GPATCH2: variants seen among roughly 807,000 people sequenced by gnomAD.
The protein encoded by GPATCH2 is G-patch domain containing 2.
GPATCH2 carries 51 observed loss-of-function variants against 58.0 expected under a neutral mutation model. The ratio of observed to expected loss-of-function variants is 0.88; its 90% CI spans 0.70 to 1.11. The LOEUF (loss-of-function observed/expected upper bound fraction) is 1.11, where lower values mean the gene tolerates loss of function less well. Among genes scored for constraint, GPATCH2 ranks in the 50% most tolerant of loss-of-function variants. The pLI is 0.00. For missense variants in GPATCH2, 625 were observed against 652.2 expected (o/e 0.96, Z 0.45); for synonymous variants, 222 against 218.5 (o/e 1.02, Z -0.14).
At chr1:217,449,530 A>G (rs1449995005) in intron 8 of GPATCH2, among the ~76,000 whole-genome samples, 193 bp from the exon 9 acceptor site, 1 of 152,250 alleles carries the variant, frequency 6.6e-6, no homozygotes, top group African/African-American at 2.4e-5. Context: ...ATGCGCCATC[A>G]TAAATTGTTA....
chr1:217,555,322 T>C (rs994508868), intron 5 of GPATCH2, among the ~76,000 whole-genome samples: 2 of 152,298 alleles, frequency 1.3e-5, no homozygotes, highest in Middle Eastern at 6.8e-3. Flanking sequence ...TATAAGGTTA[T>C]AGAGGAATCA....
At chr1:217,493,960 A>G (rs1661878135) in intron 7 of GPATCH2, among the ~76,000 whole-genome samples, 1 of 123,140 alleles carries the variant, frequency 8.1e-6, no homozygotes, top group South Asian at 2.3e-4. Context: ...AATGTTATGG[A>G]AAAAAAAATA....
At chr1:217,555,066 T>G (rs994968459) in intron 5 of GPATCH2, among the ~76,000 whole-genome samples, 1 of 152,310 alleles carries the variant, frequency 6.6e-6, no homozygotes, top group South Asian at 2.1e-4. Context: ...CACCTGAATC[T>G]TTCCCTTCTT....
chr1:217,604,116 C>T (rs1229421559), intron 5 of GPATCH2, among the ~76,000 whole-genome samples: 19 of 151,702 alleles, frequency 1.3e-4, no homozygotes, highest in Non-Finnish European at 1.6e-4. Flanking sequence ...TTTGGGAGGG[C>T]GAGGTGGAAG....
chr1:217,542,454 A>G (rs1042540813), intron 5 of GPATCH2, among the ~76,000 whole-genome samples: 2 of 152,302 alleles, frequency 1.3e-5, no homozygotes, highest in Non-Finnish European at 2.9e-5. Context: ...AAACTACTGG[A>G]AAGAAAAAAA....
In GPATCH2 at chr1:217,454,525, C is replaced by T. The variant is rs573580003; in HGVS notation, c.1278-5188G>A. Among the ~76,000 whole-genome samples the T allele has an allele frequency of 2.1e-3, 271 of 129,278 alleles. 1 individual carries two copies. The highest frequency in any genetic ancestry group is 7.3e-3 in the African/African-American group (259 of 35,250). 84.8% of individuals were successfully genotyped at this position (129,278 alleles called of 152,430 possible). A position where few individuals can be genotyped will look rare whatever the true frequency, so the allele number is the denominator to read the frequency against. On this transcript the variant is annotated intron_variant, in intron 8 of 9. Coordinates refer to ENST00000366935, the MANE Select transcript of GPATCH2 (RefSeq NM_018040.5). ...AATGGCGTGAACCCGGAAGGCAGAG[C>T]TTGCAGTGAGTCGAGATCGCGCCAC...
chr1:217,568,541 C>A (rs574266259), intron 5 of GPATCH2, among the ~76,000 whole-genome samples: 3 of 152,182 alleles, frequency 2.0e-5, no homozygotes, highest in African/African-American at 7.2e-5. Flanking sequence ...TTTAAATAGT[C>A]AGAGAATGCC....
At chr1:217,482,363 CAG>C (rs1040794562) in intron 8 of GPATCH2, among the ~76,000 whole-genome samples, 2 of 152,224 alleles carry the variant, frequency 1.3e-5, no homozygotes, top group South Asian at 4.1e-4. Flanking sequence ...GGAGAGGGGA[CAG>C]GGTATGATGG....
At chr1:217,457,530 T>C (rs1363476290) in intron 8 of GPATCH2, among the ~76,000 whole-genome samples, 1 of 152,154 alleles carries the variant, frequency 6.6e-6, no homozygotes, top group Non-Finnish European at 1.5e-5. Context: ...AAAAGTTAAG[T>C]AATTTACCTA....
At chr1:217,523,812 C>A (rs1301856272) in intron 5 of GPATCH2, among the ~76,000 whole-genome samples, 1 of 146,264 alleles carries the variant, frequency 6.8e-6, no homozygotes, top group African/African-American at 2.6e-5. Flanking sequence ...GCTGACCCCC[C>A]CACCTCCCTC....
At chr1:217,629,995 C>G (rs2102865167) in intron 1 of GPATCH2, among the ~76,000 whole-genome samples, 1 of 152,206 alleles carries the variant, frequency 6.6e-6, no homozygotes, top group South Asian at 2.1e-4. Flanking sequence ...GAACACGCAC[C>G]ATTTAGCCAC....
At chr1:217,609,453 A>G (rs1558522678) in intron 5 of GPATCH2, 1 of 983,504 alleles carries the variant, frequency 1.0e-6, no homozygotes, top group Admixed American at 6.1e-5. Context: ...AAATGATTCT[A>G]CTAGTGCAGA....
chr1:217,603,406 C>A (rs955839527), intron 5 of GPATCH2, among the ~76,000 whole-genome samples: 3 of 152,000 alleles, frequency 2.0e-5, no homozygotes, highest in Admixed American at 2.0e-4. Flanking sequence ...ATTAAATGAA[C>A]AAATATACTA....
At chr1:217,599,329 A>T (rs1308732535) in intron 5 of GPATCH2, among the ~76,000 whole-genome samples, 1 of 152,058 alleles carries the variant, frequency 6.6e-6, no homozygotes, top group Non-Finnish European at 1.5e-5. Flanking sequence ...TACAGGCAGG[A>T]AAATCAAAAG....
rs187595252 is a variant in GPATCH2, at chr1:217,430,858, T to C, written c.*287A>G. On this transcript the variant is annotated 3_prime_UTR_variant, in exon 10 of 10. Coordinates refer to ENST00000366935, the MANE Select transcript of GPATCH2 (RefSeq NM_018040.5). ...GAATTAAGCAAAGCATCGGAAAGTATTGACACATGAGACTAAAATAAATAA... is the reference window on the plus strand; with the variant it reads ...GAATTAAGCAAAGCATCGGAAAGTACTGACACATGAGACTAAAATAAATAA... 7 of 442,438 alleles carry C rather than the reference T, an allele frequency of 1.6e-5. No individual in the cohort carries two copies. The highest frequency in any genetic ancestry group is 8.9e-5 in the East Asian group (2 of 22,490). The allele number at this position is 442,438 out of a possible 1,614,324, so 27.4% of individuals were successfully genotyped here.
intron 9 of GPATCH2, among the ~76,000 whole-genome samples, chr1:217,433,374 ATATATATATATT>A (rs1320597653): frequency 8.0e-6 from 1 of 124,594 alleles, no homozygotes; most frequent in Non-Finnish European, 1.6e-5. Context: ...ATATATATAT[ATATATATATATT>A]TATTTATTTA....
chr1:217,541,675 T>C (rs1442550755), intron 5 of GPATCH2, among the ~76,000 whole-genome samples: 8 of 152,202 alleles, frequency 5.3e-5, no homozygotes. Flanking sequence ...CACATAAGTA[T>C]CCTAAAAATT....
intron 8 of GPATCH2, among the ~76,000 whole-genome samples, chr1:217,490,745 C>T (rs1453904885): frequency 6.6e-6 from 1 of 152,144 alleles, no homozygotes; most frequent in Non-Finnish European, 1.5e-5. Context: ...ATTTTATAAT[C>T]TATATCTTAC....
chr1:217,511,097 A>G (rs1446891277), intron 6 of GPATCH2, among the ~76,000 whole-genome samples: 2 of 152,160 alleles, frequency 1.3e-5, no homozygotes, highest in Non-Finnish European at 2.9e-5. Context: ...AATCCGTGTC[A>G]AAAGAAAAAA....
Sources: allele counts gnomAD v4.1 joint callset (sites outside exome capture counted in the v4.1 genomes callset), GRCh38; gene constraint gnomAD v4.1.1; transcripts MANE v1.5; gene names NCBI Gene and HGNC (gene_info 2026-07-23, HGNC 2026-07-21).